The following MAPKAP1 variants were observed in gnomAD, a reference collection of about 807,000 sequenced individuals.
The protein encoded by MAPKAP1 is target of rapamycin complex 2 subunit MAPKAP1.
In MAPKAP1, 20 loss-of-function variants were observed where a neutral mutation model predicts 65.7. That is an observed-to-expected ratio of 0.30 (90% CI 0.21 to 0.44). MAPKAP1 has a LOEUF of 0.44. MAPKAP1 is among the 20% of genes least tolerant of loss of function. The pLI, the probability that MAPKAP1 is intolerant of heterozygous loss-of-function variation, is 1.00. For missense variants in MAPKAP1, 423 were observed against 648.0 expected, an observed-to-expected ratio of 0.65 and a Z score of 3.77; for synonymous variants, 222 against 244.3, an observed-to-expected ratio of 0.91 and a Z score of 0.85.
chr9:125,527,127 C>T (rs1465129026), intron 7 of MAPKAP1, among the ~76,000 whole-genome samples: 1 of 150,546 alleles, frequency 6.6e-6, no homozygotes, highest in Non-Finnish European at 1.5e-5. Flanking sequence ...TACAGTGGCG[C>T]GATCTTGGCT....
chr9:125,612,654 T>A (rs1187783266), intron 4 of MAPKAP1, among the ~76,000 whole-genome samples: 1 of 135,102 alleles, frequency 7.4e-6, no homozygotes, highest in Non-Finnish European at 1.8e-5. Flanking sequence ...TTAATTCTGT[T>A]GGGTAAATAG....
intron 5 of MAPKAP1, among the ~76,000 whole-genome samples, chr9:125,570,442 T>C (rs905934684): frequency 2.0e-5 from 3 of 152,254 alleles, no homozygotes; most frequent in African/African-American, 7.2e-5. Context: ...GAGTTAGACA[T>C]GCCCCCAGCT....
Position 125,700,761 on chromosome 9 carries a change from A to C in MAPKAP1, c.-70+6210T>G, listed in dbSNP as rs1825985985. Among the ~76,000 whole-genome samples, 6 of 152,360 alleles carry C rather than the reference A, an allele frequency of 3.9e-5. No homozygotes were observed. The South Asian group carries it at 1.2e-3, about 32-fold the overall frequency. On this transcript the variant is annotated intron_variant, in intron 1 of 11. Coordinates refer to ENST00000265960, the MANE Select transcript of MAPKAP1 (RefSeq NM_001006617.3). ...TATTTCCTTATACAATAGAGTATGA[A>C]TGAAAACAAGTATCTACAAGACCAG...
At chr9:125,467,872 A>G (rs1340273259) in intron 10 of MAPKAP1, 100 bp downstream of exon 10, 1 of 1,323,568 alleles carries the variant, frequency 7.6e-7, no homozygotes, top group African/African-American at 1.5e-5. Flanking sequence ...GACCCAAGGA[A>G]AAAAGGACAC....
chr9:125,460,016 G>A (rs1437175501), intron 10 of MAPKAP1, among the ~76,000 whole-genome samples: 1 of 133,192 alleles, frequency 7.5e-6, no homozygotes, highest in Admixed American at 7.4e-5. Context: ...CTTGGCAGGA[G>A]GCAAGGGAAA....
chr9:125,607,649 TTTTA>T (rs145240234), intron 4 of MAPKAP1, among the ~76,000 whole-genome samples: 74,687 of 151,408 alleles, frequency 0.49, 18,995 homozygotes, highest in East Asian at 0.67. Flanking sequence ...TGCTTTTATT[TTTTA>T]TTTATTTATT....
intron 8 of MAPKAP1, among the ~76,000 whole-genome samples, chr9:125,486,371 C>T (rs1041501505): frequency 2.6e-5 from 4 of 152,106 alleles, no homozygotes; most frequent in African/African-American, 9.7e-5. Flanking sequence ...GAGCCTGTCT[C>T]GCAGGGGCTG....
At chr9:125,557,966 C>T (rs1483100604) in intron 6 of MAPKAP1, among the ~76,000 whole-genome samples, 1 of 152,220 alleles carries the variant, frequency 6.6e-6, no homozygotes, top group Non-Finnish European at 1.5e-5. Flanking sequence ...CAGCGATTCT[C>T]CTGCCTCAGA....
At position 125,447,780 on chromosome 9, in the gene MAPKAP1, A is replaced by G. The variant is rs1310026937; in HGVS notation, c.1346-3182T>C. On this transcript the variant is annotated intron_variant, in intron 10 of 11. Coordinates refer to ENST00000265960, the MANE Select transcript of MAPKAP1 (RefSeq NM_001006617.3). The surrounding 1 kb of genome is among the most constrained non-coding windows in gnomAD (Gnocchi z 4.5). ...ACCTGGCCAGAGGTGGAGAAGAGCCACTAGGGACAGTTTCTTGGGAGGAGC... is the reference window on the plus strand; with the variant it reads ...ACCTGGCCAGAGGTGGAGAAGAGCCGCTAGGGACAGTTTCTTGGGAGGAGC... Among the ~76,000 whole-genome samples, 1 of 152,242 alleles carries G rather than the reference A, an allele frequency of 6.6e-6. No homozygotes were observed. The highest frequency in any genetic ancestry group is 1.5e-5 in the Non-Finnish European group (1 of 68,040).
intron 9 of MAPKAP1, among the ~76,000 whole-genome samples, chr9:125,482,809 C>T (rs547417769): frequency 6.6e-6 from 1 of 152,066 alleles, no homozygotes; most frequent in Non-Finnish European, 1.5e-5. Flanking sequence ...TGCTTTGGTT[C>T]GAAGTTACTG....
At position 125,467,966 on chromosome 9, in the gene MAPKAP1, A is replaced by G. The variant is rs745652663; in HGVS notation, c.1345+6T>C. On this transcript the variant is annotated splice_donor_region_variant and intron_variant, in intron 10 of 11. Transcript: ENST00000265960. ...AAAGGAGACATAAATAAAAGGGACT[A>G]CTCACTGGGGCTTTTCTCTTCAGCA... 5 of 1,613,924 alleles carry G rather than the reference A, an allele frequency of 3.1e-6. No homozygotes were observed. Among genetic ancestry groups the G allele is most frequent in the South Asian group, 1.1e-5 (1 of 91,052 alleles).
In MAPKAP1 at chr9:125,706,260, C is replaced by T. The variant is rs181614316; in HGVS notation, c.-70+711G>A. Among the ~76,000 whole-genome samples, 6 of 151,988 alleles carry T rather than the reference C, an allele frequency of 3.9e-5. No individual in the cohort carries two copies. In the East Asian group the frequency reaches 1.2e-3, roughly 29 times the overall value. On this transcript the variant is annotated intron_variant, in intron 1 of 11. Transcript: ENST00000265960. ...AATGAGAACGCTGCTTTTTTTAAAC[C>T]AATGGGTCTCCATTTGACTCTTCAC...
chr9:125,497,443 C>A (rs1828841242), intron 8 of MAPKAP1, among the ~76,000 whole-genome samples: 1 of 152,188 alleles, frequency 6.6e-6, no homozygotes, highest in Non-Finnish European at 1.5e-5. Flanking sequence ...GAATAAAAGA[C>A]AGTTTTCCAG....
chr9:125,674,731 C>A (rs1201438078), intron 1 of MAPKAP1, among the ~76,000 whole-genome samples: 1 of 152,156 alleles, frequency 6.6e-6, no homozygotes, highest in Non-Finnish European at 1.5e-5. Context: ...TCTAATCAAG[C>A]AAATTACATT....
rs375550118 is a variant in MAPKAP1, at chr9:125,544,150, A to G, written c.849-982T>C. Among the ~76,000 whole-genome samples the G allele has an allele frequency of 1.4e-4, 22 of 152,114 alleles. No individual in the cohort carries two copies. The East Asian group carries it at 1.9e-3, about 13-fold the overall frequency. On this transcript the variant is annotated intron_variant, in intron 6 of 11. Transcript: ENST00000265960. Reference sequence around the variant, plus strand: ...CTCAGCCTCTCCAGGAGCTGAGATTACAGGCGCCTGCCACCGTGCCTGGCT... The same window carrying G: ...CTCAGCCTCTCCAGGAGCTGAGATTGCAGGCGCCTGCCACCGTGCCTGGCT...
chr9:125,555,192 T>G (rs2133201764), intron 6 of MAPKAP1, among the ~76,000 whole-genome samples: 1 of 152,384 alleles, frequency 6.6e-6, no homozygotes, highest in African/African-American at 2.4e-5. Context: ...TAAGTAGCAT[T>G]ATTAAAAAAC....
chr9:125,586,203 T>G (rs779043091), intron 4 of MAPKAP1, among the ~76,000 whole-genome samples: 4 of 152,114 alleles, frequency 2.6e-5, no homozygotes, highest in Non-Finnish European at 4.4e-5. Context: ...GGGGGCTAGT[T>G]CCACTAGGCA....
At chr9:125,615,538 C>CAAAAA (rs58426049) in intron 4 of MAPKAP1, among the ~76,000 whole-genome samples, 2 of 110,754 alleles carry the variant, frequency 1.8e-5, no homozygotes, top group African/African-American at 7.8e-5. Context: ...ACTAAAAATA[C>CAAAAA]AAAAAAAAAA....
chr9:125,596,113 T>C, intron 4 of MAPKAP1: 2 of 836,226 alleles, frequency 2.4e-6, no homozygotes, highest in Non-Finnish European at 4.1e-6. Context: ...GGACTTGCCT[T>C]TGTAACCTTT....
Sources: gnomAD v4.1 joint callset for allele counts (sites outside exome capture counted in the v4.1 genomes callset) on GRCh38, gnomAD v4.1.1 for gene constraint, Gnocchi (gnomAD v3.1) non-coding constraint, MANE v1.5 for transcripts, NCBI Gene and HGNC (gene_info 2026-07-23, HGNC 2026-07-21) for gene names.